ARL6IP1: variants seen among roughly 807,000 people sequenced by gnomAD.
The protein encoded by ARL6IP1 is ADP-ribosylation factor-like protein 6-interacting protein 1.
Under a neutral mutation model 30.1 loss-of-function variants are expected in ARL6IP1, and 16 were observed. That is an observed-to-expected ratio of 0.53 (90% CI 0.36 to 0.81). The LOEUF is 0.81. ARL6IP1 is among the 30% of genes least tolerant of loss of function. The probability of loss-of-function intolerance (pLI) is 0.01; values close to 1 mark genes in which losing one functional copy is unlikely to be tolerated. For synonymous variants in ARL6IP1, 72 were observed against 84.8 expected (o/e 0.85, Z 0.83); for missense variants, 173 against 242.7 (o/e 0.71, Z 1.91).
rs755826785 is a variant in ARL6IP1 at position 18,793,073 on chromosome 16, C to G, written c.*179G>C. ...TGCTAAGAACGCGCTCAACTATACG[C>G]GACATGAAGACACTATGCACGAAGC... On this transcript the variant is annotated 3_prime_UTR_variant, in exon 6 of 6. Coordinates refer to ENST00000304414, the MANE Select transcript of ARL6IP1 (RefSeq NM_015161.3). 5 of 515,416 alleles carry G rather than the reference C, an allele frequency of 9.7e-6. No individual in the cohort carries two copies. The African/African-American group carries it at 9.9e-5, about 10-fold the overall frequency. 31.9% of individuals were successfully genotyped at this position (515,416 alleles called of 1,614,324 possible).
At chr16:18,797,237 T>C (rs2030262405) in intron 3 of ARL6IP1, among the ~76,000 whole-genome samples, 1 of 148,632 alleles carries the variant, frequency 6.7e-6, no homozygotes, top group Non-Finnish European at 1.5e-5. Context: ...AAAAAAAAAT[T>C]AGCCAGGTGT....
At chr16:18,793,588 C>T (rs2030137808) in intron 5 of ARL6IP1, among the ~76,000 whole-genome samples, 1 of 151,862 alleles carries the variant, frequency 6.6e-6, no homozygotes. Flanking sequence ...TGCGCCACTA[C>T]GCCTGACTAA....
Position 18,798,728 on chromosome 16 carries a change from A to T in ARL6IP1, c.143T>A (p.Ile48Asn). The change falls in exon 2 of 6, where the codon ATC (isoleucine) becomes AAC (asparagine). Residue 48 changes from isoleucine (I) to asparagine (N), a missense_variant. Ile to Asn is a moderately radical substitution (Grantham distance 149). Coordinates refer to ENST00000304414, the MANE Select transcript of ARL6IP1 (RefSeq NM_015161.3). ...RWERAWFPPA[I>N]MGVVSLVFLI... ...AAACACCAAAGAAACCACACCCATGATGGCAGGTGGAAACCAGGCTCTTTC... is the reference window on the plus strand; with the variant it reads ...AAACACCAAAGAAACCACACCCATGTTGGCAGGTGGAAACCAGGCTCTTTC... 1.2e-6 allele frequency: 2 copies of T among 1,614,228 alleles called. No homozygotes were observed. Among genetic ancestry groups the T allele is most frequent in the Non-Finnish European group, 1.7e-6 (2 of 1,180,034 alleles).
intron 1 of ARL6IP1, among the ~76,000 whole-genome samples, chr16:18,800,183 T>A (rs952188470): frequency 2.0e-5 from 3 of 152,240 alleles, no homozygotes; most frequent in African/African-American, 7.2e-5. Context: ...AAGAGACTAC[T>A]ATGTGTGGGC....
chr16:18,793,961 TTA>T (rs2030151861), intron 5 of ARL6IP1, among the ~76,000 whole-genome samples: 1 of 152,054 alleles, frequency 6.6e-6, no homozygotes, highest in South Asian at 2.1e-4. Flanking sequence ...TGATCAGAGG[TTA>T]TTACGTGTGT....
At chr16:18,798,664 A>G (rs1833317142) in intron 2 of ARL6IP1, 37 bp downstream of exon 2, 4 of 1,589,778 alleles carry the variant, frequency 2.5e-6, no homozygotes, top group Non-Finnish European at 3.4e-6. Context: ...TTTATTAATA[A>G]GAAGCACAAC....
intron 2 of ARL6IP1, 72 bp from the exon 3 acceptor site, chr16:18,798,116 C>A: frequency 7.2e-7 from 1 of 1,386,160 alleles, no homozygotes; most frequent in Non-Finnish European, 9.7e-7. Context: ...TCTAACTTAA[C>A]TATTCACTTA....
In ARL6IP1 at chr16:18,801,507, C is replaced by A. The variant is rs750906679; in HGVS notation, c.-41G>T. ...GTCTCTACAAGCGCAGGCCACCTCC[C>A]CAACGAGTCCTCCAACCGAAACCCG... On this transcript the variant is annotated 5_prime_UTR_variant, in exon 1 of 6. Coordinates refer to ENST00000304414, the MANE Select transcript of ARL6IP1 (RefSeq NM_015161.3). 6 of 1,604,846 alleles carry A rather than the reference C, an allele frequency of 3.7e-6. No individual in the cohort carries two copies. Among genetic ancestry groups the A allele is most frequent in the East Asian group, 2.2e-5 (1 of 44,512 alleles).
At chr16:18,798,942 C>A in intron 1 of ARL6IP1, 108 bp from the exon 2 acceptor site, 2 of 1,224,200 alleles carry the variant, frequency 1.6e-6, no homozygotes, top group South Asian at 1.9e-5. Context: ...AACCTCTTAA[C>A]CAAATTGCCA....
chr16:18,801,075 C>A, intron 1 of ARL6IP1: 1 of 765,256 alleles, frequency 1.3e-6, no homozygotes, highest in Non-Finnish European at 1.7e-6. Context: ...ACGGGGAAAG[C>A]CGAATACGGC....
In ARL6IP1 at chr16:18,792,305, A is replaced by G. The variant is rs1157711676; in HGVS notation, c.*947T>C. ...AAATGGTCAGTATTACCATAAAATG[A>G]TAATTTTGAGGTTTACCTTAAAAGG... On this transcript the variant is annotated 3_prime_UTR_variant, in exon 6 of 6. Transcript: ENST00000304414. 6.6e-6 allele frequency: 1 copy of G among 152,228 alleles called. No individual in the cohort carries two copies. The highest frequency in any genetic ancestry group is 1.5e-5 in the Non-Finnish European group (1 of 68,042). 9.4% of individuals were successfully genotyped at this position (152,228 alleles called of 1,614,324 possible).
At position 18,799,875 on chromosome 16, in the gene ARL6IP1, T is replaced by C. The variant is rs993501194; in HGVS notation, c.37-1041A>G. Reference sequence around the variant, plus strand: ...CAAAAGCCCTTAAAGCTGGTTTTGGTAAAGGAAGAAAAATTTAGAATAAGA... The same window carrying C: ...CAAAAGCCCTTAAAGCTGGTTTTGGCAAAGGAAGAAAAATTTAGAATAAGA... On this transcript the variant is annotated intron_variant, in intron 1 of 5. Coordinates refer to ENST00000304414, the MANE Select transcript of ARL6IP1 (RefSeq NM_015161.3). 3.3e-5 allele frequency among the ~76,000 whole-genome samples: 5 copies of C among 152,186 alleles called. No homozygotes were observed. In the East Asian group the frequency reaches 5.8e-4, roughly 18 times the overall value.
chr16:18,801,047 T>A (rs2030391951), intron 1 of ARL6IP1, among the ~76,000 whole-genome samples: 1 of 152,134 alleles, frequency 6.6e-6, no homozygotes, highest in South Asian at 2.1e-4. Flanking sequence ...GGCAGGCACA[T>A]CCAGGTTAAG....
intron 1 of ARL6IP1, among the ~76,000 whole-genome samples, 192 bp from the exon 2 acceptor site, chr16:18,799,026 G>GTT (rs372115567): frequency 2.0e-5 from 3 of 146,966 alleles, no homozygotes; most frequent in Admixed American, 1.4e-4. Context: ...TGTTTTTTGT[G>GTT]TTTTTTTTTT....
At chr16:18,800,000 G>A (rs756081002) in intron 1 of ARL6IP1, among the ~76,000 whole-genome samples, 1 of 152,146 alleles carries the variant, frequency 6.6e-6, no homozygotes, top group South Asian at 2.1e-4. Flanking sequence ...CCAGGAGATC[G>A]GGACCAGCCT....
chr16:18,795,786 T>A (rs542060731), intron 3 of ARL6IP1, among the ~76,000 whole-genome samples: 5 of 149,676 alleles, frequency 3.3e-5, no homozygotes, highest in Admixed American at 6.6e-5. Context: ...ACTATGTGTG[T>A]GAGAGAGAGA....
chr16:18,801,537 C>T lies in ARL6IP1; in HGVS notation c.-71G>A. On this transcript the variant is annotated 5_prime_UTR_variant, in exon 1 of 6. It adds an upstream start codon to the 5' untranslated region. Coordinates refer to ENST00000304414, the MANE Select transcript of ARL6IP1 (RefSeq NM_015161.3). The stretch of plus-strand genomic sequence containing the variant: ...GAGTCCTCCAACCGAAACCCGCACA[C>T]CAACCACAACCCGAGGGAACGCCCC... The T allele has an allele frequency of 3.8e-6, 6 of 1,578,158 alleles. No individual in the cohort carries two copies. Among genetic ancestry groups the T allele is most frequent in the Non-Finnish European group, 5.2e-6 (6 of 1,162,348 alleles).
At chr16:18,798,145 G>A (rs2030297676) in intron 2 of ARL6IP1, 101 bp from the exon 3 acceptor site, 1 of 1,175,336 alleles carries the variant, frequency 8.5e-7, no homozygotes, top group African/African-American at 1.6e-5. Context: ...CCGCCTCTCA[G>A]AGATATTTGC....
intron 5 of ARL6IP1, 53 bp downstream of exon 5, chr16:18,794,546 C>T (rs2030170652): frequency 7.4e-7 from 1 of 1,347,954 alleles, no homozygotes; most frequent in South Asian, 1.2e-5. Context: ...GACGAAGTTA[C>T]AGTTAAATTT....
Sources: gnomAD v4.1 joint callset for allele counts (sites outside exome capture counted in the v4.1 genomes callset) on GRCh38, gnomAD v4.1.1 for gene constraint, MANE v1.5 for transcripts, NCBI Gene and HGNC (gene_info 2026-07-23, HGNC 2026-07-21) for gene names.